TENM2: variants seen among roughly 807,000 people sequenced by gnomAD.
TENM2 encodes the protein teneurin transmembrane protein 2.
A neutral mutation model predicts 245.2 loss-of-function variants in TENM2; 52 were observed. That is an observed-to-expected ratio of 0.21 (90% CI 0.17 to 0.27). The LOEUF (loss-of-function observed/expected upper bound fraction) is 0.27, where lower values mean the gene tolerates loss of function less well. Ranked by LOEUF, TENM2 falls within the 10% of genes least tolerant of loss-of-function variation. The probability of loss-of-function intolerance (pLI) is 1.00; values close to 1 mark genes in which losing one functional copy is unlikely to be tolerated. For missense variants in TENM2, 3,046 were observed against 3,666.8 expected, an observed-to-expected ratio of 0.83 and a Z score of 4.37; for synonymous variants, 1,363 against 1,438.9, an observed-to-expected ratio of 0.95 and a Z score of 1.19.
intron 2 of TENM2, among the ~76,000 whole-genome samples, chr5:167,699,448 G>A (rs203309): frequency 0.42 from 64,277 of 151,980 alleles, 16,796 homozygotes; most frequent in East Asian, 0.83. Context: ...TTATTTTTAA[G>A]TCAGAGAATT....
intron 1 of TENM2, among the ~76,000 whole-genome samples, chr5:167,344,320 A>C (rs1758325400): frequency 6.9e-6 from 1 of 144,526 alleles, no homozygotes; most frequent in East Asian, 2.0e-4. Flanking sequence ...ATATATATAT[A>C]TATATATATA....
At chr5:168,109,782 G>A (rs540252540) in intron 9 of TENM2, among the ~76,000 whole-genome samples, 121 of 152,276 alleles carry the variant, frequency 7.9e-4, no homozygotes, top group African/African-American at 2.8e-3. Flanking sequence ...AACAGAGATC[G>A]AGGCAGTCGC....
At chr5:167,964,939 TG>T (rs1781280402) in intron 4 of TENM2, among the ~76,000 whole-genome samples, 1 of 152,232 alleles carries the variant, frequency 6.6e-6, no homozygotes, top group Non-Finnish European at 1.5e-5. Flanking sequence ...CTCTGCTTTT[TG>T]CTTTTAATAA....
intron 2 of TENM2, among the ~76,000 whole-genome samples, chr5:167,817,347 T>A (rs779245228): frequency 3.9e-5 from 6 of 152,148 alleles, no homozygotes; most frequent in Non-Finnish European, 8.8e-5. Flanking sequence ...ATATCTTTTA[T>A]TTGTTTATAC....
intron 4 of TENM2, among the ~76,000 whole-genome samples, chr5:167,972,961 C>A (rs1460516994): frequency 2.6e-5 from 4 of 151,960 alleles, no homozygotes; most frequent in African/African-American, 9.7e-5. Flanking sequence ...GACTGTGCTA[C>A]AGCATGGCCT....
chr5:167,192,911 A>G, the TENM2 span, among the ~76,000 whole-genome samples: 2 of 152,034 alleles, frequency 1.3e-5, no homozygotes, highest in Non-Finnish European at 2.9e-5. Flanking sequence ...ATATTGCAGG[A>G]CCTAAATACA....
the TENM2 span, among the ~76,000 whole-genome samples, chr5:167,007,994 C>T: frequency 6.6e-6 from 1 of 152,150 alleles, no homozygotes; most frequent in Admixed American, 6.5e-5. The surrounding 1 kb of genome is among the most constrained non-coding windows in gnomAD (Gnocchi z 4.2). Context: ...GCCACAGTAA[C>T]CCACCGTTGG....
rs771588304 is a variant in TENM2, at chr5:168,246,974, T to C, written c.6035T>C (p.Leu2012Ser). ...GGCCGCATCCTGAAGACCTCCTTTT[T>C]GGGCACCGGACGCCAGGTGTTCTAC... Residue 2012 changes from leucine (L) to serine (S), a missense_variant, in exon 27 of 29, where the codon TTG becomes TCG. Leu to Ser is a moderately radical substitution (Grantham distance 145, BLOSUM62 -2). Transcript: ENST00000518659. 4.3e-6 allele frequency: 7 copies of C among 1,613,870 alleles called. No individual in the cohort carries two copies. The highest frequency in any genetic ancestry group is 5.1e-6 in the Non-Finnish European group (6 of 1,179,898).
chr5:167,422,077 A>G (rs968297599), intron 2 of TENM2, among the ~76,000 whole-genome samples: 1 of 152,180 alleles, frequency 6.6e-6, no homozygotes, highest in Non-Finnish European at 1.5e-5. Flanking sequence ...GGCGTGAGCC[A>G]CCATTCCCGG....
chr5:168,104,063 C>T (rs1057269020), intron 9 of TENM2, among the ~76,000 whole-genome samples: 1 of 152,112 alleles, frequency 6.6e-6, no homozygotes, highest in Non-Finnish European at 1.5e-5. Context: ...GAGATTTGCT[C>T]TGTCACCCAG....
At chr5:168,169,525 G>A (rs1306963279) in intron 13 of TENM2, among the ~76,000 whole-genome samples, 2 of 152,116 alleles carry the variant, frequency 1.3e-5, no homozygotes, top group Admixed American at 6.5e-5. Context: ...CTCACCCCTC[G>A]CCCACTGCCT....
intron 7 of TENM2, among the ~76,000 whole-genome samples, chr5:168,067,399 C>A (rs547596535): frequency 6.6e-6 from 1 of 152,196 alleles, no homozygotes; most frequent in South Asian, 2.1e-4. Context: ...CATGATCATA[C>A]CAAATAAATG....
chr5:167,750,602 G>T (rs1017965400), intron 2 of TENM2, among the ~76,000 whole-genome samples: 9 of 152,036 alleles, frequency 5.9e-5, no homozygotes, highest in Non-Finnish European at 1.3e-4. Context: ...CACGATAGTG[G>T]TACACCTACA....
At chr5:167,043,387 G>A in the TENM2 span, among the ~76,000 whole-genome samples, 1 of 152,228 alleles carries the variant, frequency 6.6e-6, no homozygotes, top group East Asian at 1.9e-4. Flanking sequence ...TATTTCTGTC[G>A]GGGAAAGACC....
chr5:167,064,705 C>A, the TENM2 span, among the ~76,000 whole-genome samples: 1 of 152,170 alleles, frequency 6.6e-6, no homozygotes, highest in Non-Finnish European at 1.5e-5. Flanking sequence ...ACGAGAACAA[C>A]TCTTGAAGTA....
rs373366103 is a variant in TENM2, at chr5:168,218,400, G to A, written c.4509G>A (p.Gln1503=). Residue 1503 remains glutamine, a synonymous_variant, in exon 23 of 29, where the codon CAG becomes CAA. Transcript: ENST00000518659. This position sits in a 1 kb window ranked among gnomAD's most constrained non-coding sequence, Gnocchi z 5.2. Reference sequence around the variant, plus strand: ...AGAAGAAGATTAACCGTCTACGCCAGGTAACAACCAACGGGGAGATCTGCC... The same window carrying A: ...AGAAGAAGATTAACCGTCTACGCCAAGTAACAACCAACGGGGAGATCTGCC... The A allele has an allele frequency of 1.1e-3, 1,733 of 1,614,050 alleles. 1 individual carries two copies. The highest frequency in any genetic ancestry group is 1.4e-3 in the Non-Finnish European group (1,657 of 1,179,898).
At chr5:167,903,121 T>G (rs1167167513) in intron 3 of TENM2, among the ~76,000 whole-genome samples, 1 of 152,182 alleles carries the variant, frequency 6.6e-6, no homozygotes. Context: ...TTCAATAACA[T>G]TTCAAAAACA....
Position 167,792,546 on chromosome 5 carries a change from T to A in TENM2, c.503-83440T>A, listed in dbSNP as rs150522827. On this transcript the variant is annotated intron_variant, in intron 2 of 28. Transcript: ENST00000518659. ...TTGCTCGAGACTTGAAGACAACGTG[T>A]TCTGTCCACCTCACTGACTATAATA... 4.4e-3 allele frequency among the ~76,000 whole-genome samples: 670 copies of A among 152,116 alleles called. 6 individuals are homozygous for A. Among genetic ancestry groups the A allele is most frequent in the African/African-American group, 0.016 (644 of 41,506 alleles).
chr5:166,979,818 T>C, the TENM2 span, among the ~76,000 whole-genome samples: 24 of 152,248 alleles, frequency 1.6e-4, 1 homozygote, highest in South Asian at 3.9e-3. Context: ...AGCAGACTGT[T>C]ATTTCCCTGC....
Sources: gnomAD v4.1 joint callset for allele counts (sites outside exome capture counted in the v4.1 genomes callset) on GRCh38, gnomAD v4.1.1 for gene constraint, Gnocchi (gnomAD v3.1) non-coding constraint, MANE v1.5 for transcripts, NCBI Gene and HGNC (gene_info 2026-07-23, HGNC 2026-07-21) for gene names.